Variants in CSTPP1 observed in about 807,000 individuals in gnomAD.
The protein encoded by CSTPP1 is UPF0705 protein C11orf49.
At chr11:47,014,255 G>A in the CSTPP1 span, among the ~76,000 whole-genome samples, 1 of 149,658 alleles carries the variant, frequency 6.7e-6, no homozygotes, top group South Asian at 2.1e-4. Context: ...AGAAAGGAAG[G>A]AAGGAGAGAA....
chr11:47,056,157 G>A, the CSTPP1 span, among the ~76,000 whole-genome samples: 2 of 152,182 alleles, frequency 1.3e-5, no homozygotes, highest in Non-Finnish European at 2.9e-5. Flanking sequence ...TATGTGAAAA[G>A]TCAATCTTCC....
At chr11:47,073,560 A>G in the CSTPP1 span, among the ~76,000 whole-genome samples, 1 of 152,308 alleles carries the variant, frequency 6.6e-6, no homozygotes, top group East Asian at 1.9e-4. Context: ...TTAGAAAGAA[A>G]GAAAAGGAAG....
At chr11:47,034,760 A>T in the CSTPP1 span, among the ~76,000 whole-genome samples, 1 of 152,072 alleles carries the variant, frequency 6.6e-6, no homozygotes, top group African/African-American at 2.4e-5. Flanking sequence ...CAGCCTTCCA[A>T]AGTGCTGGGA....
At chr11:46,977,462 G>C in the CSTPP1 span, among the ~76,000 whole-genome samples, 2 of 152,192 alleles carry the variant, frequency 1.3e-5, no homozygotes, top group African/African-American at 4.8e-5. Context: ...ATTATGTCCA[G>C]CTAGCCTGCA....
chr11:47,120,833 A>G, the CSTPP1 span, among the ~76,000 whole-genome samples: 1,049 of 152,332 alleles, frequency 6.9e-3, 6 homozygotes, highest in Middle Eastern at 0.031. The surrounding 1 kb of genome is among the most constrained non-coding windows in gnomAD (Gnocchi z 4.2). Flanking sequence ...AACAGGTAAC[A>G]CCATGAAGCA....
the CSTPP1 span, chr11:47,164,092 GGGTGGTGA>G: frequency 1.1e-4 from 179 of 1,608,158 alleles, no homozygotes; most frequent in Middle Eastern, 3.3e-3. Flanking sequence ...GCGTGCCACA[GGGTGGTGA>G]GGTCGAAGCT....
At chr11:47,137,803 T>A in the CSTPP1 span, 12 of 1,454,710 alleles carry the variant, frequency 8.2e-6, no homozygotes, top group African/African-American at 1.1e-4. Context: ...CTGGAGTGTA[T>A]ACAAATGAAA....
the CSTPP1 span, among the ~76,000 whole-genome samples, chr11:47,064,241 CA>C: frequency 6.6e-6 from 1 of 151,632 alleles, no homozygotes; most frequent in Non-Finnish European, 1.5e-5. Context: ...ATATGATTTG[CA>C]AATTTTTTTT....
At chr11:46,955,989 C>T in the CSTPP1 span, among the ~76,000 whole-genome samples, 6 of 96,748 alleles carry the variant, frequency 6.2e-5, no homozygotes, top group African/African-American at 3.3e-4. Flanking sequence ...TCCATCCACC[C>T]CCCCCCCCCC....
the CSTPP1 span, among the ~76,000 whole-genome samples, chr11:47,042,413 G>A: frequency 6.9e-6 from 1 of 145,766 alleles, no homozygotes; most frequent in Non-Finnish European, 1.5e-5. Flanking sequence ...CTCTTAAATA[G>A]TTCCAAAAAA....
chr11:46,972,634 C>G, the CSTPP1 span, among the ~76,000 whole-genome samples: 1,354 of 152,282 alleles, frequency 8.9e-3, 19 homozygotes, highest in African/African-American at 0.029. Flanking sequence ...TGTGCTTCCC[C>G]TTTGCTACCT....
chr11:47,161,396 G>T, the CSTPP1 span: 2,157 of 1,600,634 alleles, frequency 1.3e-3, 10 homozygotes, highest in Middle Eastern at 0.019. Flanking sequence ...TGTTAAGAGT[G>T]GGCATGGAGG....
chr11:47,123,198 TG>T, the CSTPP1 span: 2 of 152,344 alleles, frequency 1.3e-5, no homozygotes, highest in South Asian at 4.1e-4. Context: ...AAAATTCAGA[TG>T]CCAACACTGG....
chr11:47,012,995 T>A, the CSTPP1 span, among the ~76,000 whole-genome samples: 1 of 87,708 alleles, frequency 1.1e-5, no homozygotes, highest in Non-Finnish European at 2.8e-5. Flanking sequence ...GACAGAATGG[T>A]TATATATATA....
At chr11:47,088,627 A>C in the CSTPP1 span, among the ~76,000 whole-genome samples, 3 of 151,804 alleles carry the variant, frequency 2.0e-5, no homozygotes, top group Non-Finnish European at 2.9e-5. Flanking sequence ...GCTCACTGCA[A>C]CCTCCACCTC....
the CSTPP1 span, chr11:47,156,959 C>A: frequency 3.2e-6 from 5 of 1,547,668 alleles, no homozygotes; most frequent in African/African-American, 6.8e-5. Flanking sequence ...ACATAGTGAA[C>A]AGACAAAACA....
chr11:47,009,500 G>T, the CSTPP1 span, among the ~76,000 whole-genome samples: 3 of 152,140 alleles, frequency 2.0e-5, no homozygotes, highest in Non-Finnish European at 4.4e-5. Flanking sequence ...ATTGAAATAA[G>T]TAGAAAGGTA....
chr11:46,976,881 TTCG>T, the CSTPP1 span, among the ~76,000 whole-genome samples: 1 of 152,140 alleles, frequency 6.6e-6, no homozygotes, highest in Non-Finnish European at 1.5e-5. Flanking sequence ...ATACTGAAGT[TTCG>T]ACCTACATTT....
the CSTPP1 span, among the ~76,000 whole-genome samples, chr11:47,084,768 T>G: frequency 2.0e-5 from 3 of 152,224 alleles, no homozygotes; most frequent in Non-Finnish European, 4.4e-5. Context: ...AGGTAGTGTA[T>G]GCCCTTCAAC....
Sources: gnomAD v4.1 joint callset for allele counts (sites outside exome capture counted in the v4.1 genomes callset) on GRCh38, gnomAD v4.1.1 for gene constraint, Gnocchi (gnomAD v3.1) non-coding constraint, MANE v1.5 for transcripts, NCBI Gene and HGNC (gene_info 2026-07-23, HGNC 2026-07-21) for gene names.